Variants in ADGRV1 observed in about 807,000 individuals in gnomAD.
ADGRV1 encodes adhesion G protein-coupled receptor V1.
In ADGRV1, 359 loss-of-function variants were observed where a neutral mutation model predicts 596.2. The ratio of observed to expected loss-of-function variants is 0.60; its 90% CI spans 0.55 to 0.66. The LOEUF (loss-of-function observed/expected upper bound fraction) is 0.66. Among genes scored for constraint, ADGRV1 ranks in the 30% least tolerant of loss-of-function variants. ADGRV1 has a pLI of 0.00. For synonymous variants in ADGRV1, 2,681 were observed against 2,679.2 expected, an observed-to-expected ratio of 1.00 and a Z score of -0.02; for missense variants, 7,274 against 7,575.6, an observed-to-expected ratio of 0.96 and a Z score of 1.48.
intron 87 of ADGRV1, among the ~76,000 whole-genome samples, chr5:91,108,831 G>A (rs566384950): frequency 2.0e-5 from 3 of 151,918 alleles, no homozygotes; most frequent in Admixed American, 6.6e-5. Context: ...TCCTGGCCTC[G>A]AGTGATCCTC....
chr5:90,651,822 A>T (rs939923065), intron 18 of ADGRV1, 92 bp downstream of exon 18: 1 of 845,780 alleles, frequency 1.2e-6, no homozygotes, highest in East Asian at 2.7e-5. Context: ...AAATTTAAAA[A>T]TTGGTTAAGA....
intron 86 of ADGRV1, 139 bp downstream of exon 86, chr5:91,072,743 C>G: frequency 4.0e-6 from 3 of 758,926 alleles, no homozygotes. Flanking sequence ...CTATAGCTCT[C>G]CAGTTTCTCC....
At chr5:91,088,660 G>C (rs555635130) in intron 86 of ADGRV1, among the ~76,000 whole-genome samples, 31 of 152,196 alleles carry the variant, frequency 2.0e-4, no homozygotes, top group African/African-American at 7.5e-4. Flanking sequence ...ATGGAAGCAT[G>C]TAGTTATGAG....
At chr5:90,826,398 C>T (rs1011506009) in intron 76 of ADGRV1, among the ~76,000 whole-genome samples, 48 of 152,130 alleles carry the variant, frequency 3.2e-4, no homozygotes, top group African/African-American at 1.2e-3. Context: ...TCACTGGAGT[C>T]AGTTTAAGAG....
intron 74 of ADGRV1, among the ~76,000 whole-genome samples, chr5:90,812,347 A>T (rs1442141659): frequency 1.3e-5 from 2 of 152,212 alleles, no homozygotes; most frequent in East Asian, 3.8e-4. Flanking sequence ...TTTATTGTAA[A>T]GTGACAACTT....
rs558101728 is a variant in ADGRV1 at position 91,066,159 on chromosome 5, G to T, written c.18153-6288G>T. 4.5e-4 allele frequency among the ~76,000 whole-genome samples: 68 copies of T among 152,300 alleles called. 1 individual carries two copies. The South Asian group carries it at 0.014, about 31-fold the overall frequency. Reference sequence around the variant, plus strand: ...CAGATGTGTTCTTGAAGCAATAGCTGCACGTTAATCAGCTACTTCCACAGC... The same window carrying T: ...CAGATGTGTTCTTGAAGCAATAGCTTCACGTTAATCAGCTACTTCCACAGC... On this transcript the variant is annotated intron_variant, in intron 85 of 89. Transcript: ENST00000405460.
intron 83 of ADGRV1, among the ~76,000 whole-genome samples, chr5:90,918,806 G>T (rs542071970): frequency 2.2e-4 from 33 of 151,894 alleles, no homozygotes; most frequent in Non-Finnish European, 4.0e-4. Context: ...TACAACCAAG[G>T]CCTCCCTCTC....
At chr5:90,786,098 C>T (rs933626287) in intron 67 of ADGRV1, among the ~76,000 whole-genome samples, 2 of 152,208 alleles carry the variant, frequency 1.3e-5, no homozygotes, top group South Asian at 2.1e-4. Context: ...ATGTCCTTTG[C>T]AGGGACATGG....
intron 85 of ADGRV1, among the ~76,000 whole-genome samples, chr5:91,038,004 T>C (rs1007177205): frequency 3.3e-5 from 5 of 152,216 alleles, no homozygotes; most frequent in African/African-American, 1.2e-4. Flanking sequence ...TAAATGAATT[T>C]TGTGTTTAGA....
chr5:90,596,455 T>G (rs892587540), intron 1 of ADGRV1, among the ~76,000 whole-genome samples: 1 of 150,554 alleles, frequency 6.6e-6, no homozygotes, highest in Non-Finnish European at 1.5e-5. Flanking sequence ...GAGGTGGAGG[T>G]TGTAGCGAGC....
In ADGRV1 at chr5:90,963,619, A is replaced by C. The variant is rs570842481; in HGVS notation, c.17857-1796A>C. On this transcript the variant is annotated intron_variant, in intron 83 of 89. Transcript: ENST00000405460. ...CCAAATCTAGGGCTAAGTAAACAGAAAGTTGAATCAAGGTACTTCTCATTT... is the reference window on the plus strand; with the variant it reads ...CCAAATCTAGGGCTAAGTAAACAGACAGTTGAATCAAGGTACTTCTCATTT... Among the ~76,000 whole-genome samples, 13 of 152,120 alleles carry C rather than the reference A, an allele frequency of 8.5e-5. No individual in the cohort carries two copies. The South Asian group carries it at 2.7e-3, about 32-fold the overall frequency.
At chr5:90,787,590 C>CTTTTTTTTTTTT (rs35504697) in intron 67 of ADGRV1, among the ~76,000 whole-genome samples, 4 of 118,902 alleles carry the variant, frequency 3.4e-5, no homozygotes, top group African/African-American at 6.0e-5. Context: ...TTCTTTCTTT[C>CTTTTTTTTTTTT]TTTTTTTTTT....
chr5:90,909,624 GA>G (rs148640589), intron 83 of ADGRV1, among the ~76,000 whole-genome samples: 6 of 104,920 alleles, frequency 5.7e-5, no homozygotes, highest in South Asian at 2.6e-4. Flanking sequence ...TACGCAAAAA[GA>G]AAAAAAAGAG....
At chr5:90,892,722 T>C (rs1179674832) in intron 83 of ADGRV1, among the ~76,000 whole-genome samples, 1 of 152,222 alleles carries the variant, frequency 6.6e-6, no homozygotes, top group Non-Finnish European at 1.5e-5. Flanking sequence ...TGAGTTTGTA[T>C]ATTCTTGAAT....
chr5:91,063,484 A>G (rs1229958458), intron 85 of ADGRV1, among the ~76,000 whole-genome samples: 3 of 152,122 alleles, frequency 2.0e-5, no homozygotes, highest in African/African-American at 4.8e-5. Context: ...GTAATTCCCT[A>G]TCGTTTAAAT....
chr5:91,027,878 C>G (rs2151213622), intron 85 of ADGRV1, among the ~76,000 whole-genome samples: 1 of 152,204 alleles, frequency 6.6e-6, no homozygotes, highest in East Asian at 1.9e-4. Context: ...ATGAACTTTG[C>G]AAAGAGCCTG....
In ADGRV1 at chr5:90,684,058, T is replaced by C; in HGVS notation, c.6137T>C (p.Phe2046Ser). Residue 2046 changes from phenylalanine to serine, a missense_variant, in exon 28 of 90, where the codon TTT becomes TCT. By Grantham distance (155) the Phe-to-Ser change is radical. Transcript: ENST00000405460. The stretch of plus-strand genomic sequence containing the variant: ...AGAGACTATATACCAGCTTCTGGAT[T>C]TGCTCTTTTTGGAGCTAATCAGAGT... ...QGRDYIPASG[F>S]ALFGANQSEA... is the part of the protein sequence containing the mutation. 1 of 1,613,982 alleles carries C rather than the reference T, an allele frequency of 6.2e-7. No individual in the cohort carries two copies. Among genetic ancestry groups the C allele is most frequent in the Non-Finnish European group, 8.5e-7 (1 of 1,179,886 alleles).
intron 83 of ADGRV1, among the ~76,000 whole-genome samples, chr5:90,945,275 A>G (rs1776477663): frequency 6.6e-6 from 1 of 151,636 alleles, no homozygotes. Context: ...TCTCTTTAAT[A>G]TTCTAAACTG....
chr5:90,658,897 G>A (rs1192480352), intron 21 of ADGRV1, among the ~76,000 whole-genome samples: 1 of 152,272 alleles, frequency 6.6e-6, no homozygotes, highest in East Asian at 1.9e-4. Flanking sequence ...CAGGTGTTCT[G>A]TGTGACAGCA....
Sources: allele counts gnomAD v4.1 joint callset (sites outside exome capture counted in the v4.1 genomes callset), GRCh38; gene constraint gnomAD v4.1.1; transcripts MANE v1.5; gene names NCBI Gene and HGNC (gene_info 2026-07-23, HGNC 2026-07-21).